Variants in POFUT3 observed in about 807,000 individuals in gnomAD.
POFUT3 encodes GDP-fucose protein O-fucosyltransferase 3.
the POFUT3 span, chr8:33,389,509 G>A: frequency 1.2e-6 from 2 of 1,614,204 alleles, no homozygotes; most frequent in South Asian, 1.1e-5. Context: ...CTGATGGTGG[G>A]TCACAGTCTG....
At chr8:33,380,313 G>A in the POFUT3 span, among the ~76,000 whole-genome samples, 17 of 135,804 alleles carry the variant, frequency 1.3e-4, no homozygotes, top group Non-Finnish European at 1.8e-4. Flanking sequence ...GCAGGGAGAT[G>A]TAATATAAAA....
At chr8:33,356,917 A>C in the POFUT3 span, among the ~76,000 whole-genome samples, 1 of 152,120 alleles carries the variant, frequency 6.6e-6, no homozygotes, top group Non-Finnish European at 1.5e-5. Context: ...AGCACCATTT[A>C]TTAAATAGGG....
At chr8:33,412,802 AT>A in the POFUT3 span, among the ~76,000 whole-genome samples, 1 of 152,134 alleles carries the variant, frequency 6.6e-6, no homozygotes, top group Non-Finnish European at 1.5e-5. Flanking sequence ...TAATTTTTGT[AT>A]TTTTAGTAGA....
At chr8:33,349,906 T>C in the POFUT3 span, among the ~76,000 whole-genome samples, 1 of 152,194 alleles carries the variant, frequency 6.6e-6, no homozygotes, top group East Asian at 1.9e-4. Flanking sequence ...ACCAGCAGGG[T>C]AAAAGTGTTC....
At chr8:33,429,587 C>T in the POFUT3 span, among the ~76,000 whole-genome samples, 1 of 151,496 alleles carries the variant, frequency 6.6e-6, no homozygotes, top group Non-Finnish European at 1.5e-5. Flanking sequence ...AGGGGGAGGG[C>T]AGATGGAGGA....
chr8:33,406,987 G>A, the POFUT3 span, among the ~76,000 whole-genome samples: 4 of 152,106 alleles, frequency 2.6e-5, no homozygotes, highest in Non-Finnish European at 5.9e-5. Context: ...GCATAAAAAG[G>A]CCTCACAAAC....
At chr8:33,430,329 G>T in the POFUT3 span, among the ~76,000 whole-genome samples, 3 of 152,096 alleles carry the variant, frequency 2.0e-5, no homozygotes, top group African/African-American at 7.2e-5. Flanking sequence ...CTTAACCAGG[G>T]AGTGCTAGGA....
At chr8:33,348,070 C>T in the POFUT3 span, among the ~76,000 whole-genome samples, 1 of 149,918 alleles carries the variant, frequency 6.7e-6, no homozygotes, top group African/African-American at 2.5e-5. Context: ...CTCAGCCACT[C>T]GGGAGGCTGA....
chr8:33,368,241 C>T, the POFUT3 span, among the ~76,000 whole-genome samples: 1 of 152,186 alleles, frequency 6.6e-6, no homozygotes. Context: ...ACAGCCACAC[C>T]TCTGACTGAC....
the POFUT3 span, among the ~76,000 whole-genome samples, chr8:33,322,181 T>C: frequency 6.6e-6 from 1 of 152,104 alleles, no homozygotes; most frequent in African/African-American, 2.4e-5. Flanking sequence ...CTTCAACTTT[T>C]CCCTAAATGT....
chr8:33,389,739 C>T, the POFUT3 span: 49 of 1,614,062 alleles, frequency 3.0e-5, no homozygotes, highest in Non-Finnish European at 4.1e-5. Flanking sequence ...TCATGAAAAA[C>T]AGCCCAGTCA....
chr8:33,374,710 T>C, the POFUT3 span, among the ~76,000 whole-genome samples: 5 of 152,246 alleles, frequency 3.3e-5, no homozygotes, highest in African/African-American at 1.2e-4. Flanking sequence ...GAACTATCTT[T>C]AAAATATTCT....
chr8:33,332,337 A>G, the POFUT3 span, among the ~76,000 whole-genome samples: 3 of 151,460 alleles, frequency 2.0e-5, no homozygotes, highest in Admixed American at 2.0e-4. Context: ...AAGAAAATAC[A>G]AAAATTAGCC....
chr8:33,434,913 G>A, the POFUT3 span, among the ~76,000 whole-genome samples: 2 of 152,232 alleles, frequency 1.3e-5, no homozygotes, highest in East Asian at 3.9e-4. Context: ...AGGTGCAGGT[G>A]CACTGGCTCA....
chr8:33,357,390 G>T, the POFUT3 span, among the ~76,000 whole-genome samples: 80 of 151,826 alleles, frequency 5.3e-4, 1 homozygote, highest in Middle Eastern at 3.4e-3. Context: ...AAGAATTTTA[G>T]GGGCCTATTA....
At chr8:33,406,421 G>A in the POFUT3 span, among the ~76,000 whole-genome samples, 2 of 152,170 alleles carry the variant, frequency 1.3e-5, no homozygotes, top group Admixed American at 1.3e-4. Context: ...TTACCATGAA[G>A]TATACCATTT....
At chr8:33,380,176 CTATATATATATACTA>C in the POFUT3 span, among the ~76,000 whole-genome samples, 18 of 58,006 alleles carry the variant, frequency 3.1e-4, no homozygotes, top group Admixed American at 2.6e-3. Flanking sequence ...TATATATATA[CTATATATATATACTA>C]TATATATATA....
the POFUT3 span, among the ~76,000 whole-genome samples, chr8:33,318,329 T>C: frequency 6.6e-6 from 1 of 150,756 alleles, no homozygotes; most frequent in African/African-American, 2.4e-5. Context: ...AGGCTAGAAA[T>C]AAATATTTAT....
chr8:33,368,680 G>C, the POFUT3 span, among the ~76,000 whole-genome samples: 1 of 152,128 alleles, frequency 6.6e-6, no homozygotes, highest in Non-Finnish European at 1.5e-5. Flanking sequence ...TCAGAATTGG[G>C]AAATGGAAAG....
Sources: gnomAD v4.1 joint callset for allele counts (sites outside exome capture counted in the v4.1 genomes callset) on GRCh38, gnomAD v4.1.1 for gene constraint, MANE v1.5 for transcripts, NCBI Gene and HGNC (gene_info 2026-07-23, HGNC 2026-07-21) for gene names.